Variants in ADAMTSL1 observed in about 807,000 individuals in gnomAD.
ADAMTSL1 encodes the protein ADAMTS-like protein 1.
A neutral mutation model predicts 201.8 loss-of-function variants in ADAMTSL1; 126 were observed. That is an observed-to-expected ratio of 0.62 (90% CI 0.54 to 0.72). The LOEUF (loss-of-function observed/expected upper bound fraction) is 0.72, where lower values mean the gene tolerates loss of function less well. Ranked by LOEUF, ADAMTSL1 falls within the 30% of genes least tolerant of loss-of-function variation. The pLI is 0.00. For synonymous variants in ADAMTSL1, 1,121 were observed against 903.4 expected (o/e 1.24, Z -4.32); for missense variants, 2,679 against 2,277.8 (o/e 1.18, Z -3.59).
chr9:18,294,339 T>C (rs979961558), intron 2 of ADAMTSL1, among the ~76,000 whole-genome samples: 1 of 152,230 alleles, frequency 6.6e-6, no homozygotes, highest in East Asian at 1.9e-4. Context: ...TTGAATTGCT[T>C]TTCCTGCATC....
chr9:18,441,961 C>G (rs756871907), intron 2 of ADAMTSL1, among the ~76,000 whole-genome samples: 1 of 152,124 alleles, frequency 6.6e-6, no homozygotes. Flanking sequence ...AATGAAAACC[C>G]AAATCCACTA....
chr9:18,292,037 G>A (rs1833295071), intron 2 of ADAMTSL1, among the ~76,000 whole-genome samples: 1 of 152,128 alleles, frequency 6.6e-6, no homozygotes, highest in Admixed American at 6.5e-5. Context: ...AAGAACAGCA[G>A]AGCTGAGACT....
At chr9:18,250,367 C>T (rs1259236150) in intron 2 of ADAMTSL1, among the ~76,000 whole-genome samples, 5 of 152,156 alleles carry the variant, frequency 3.3e-5, no homozygotes, top group Admixed American at 6.5e-5. Context: ...TCCTGACTCC[C>T]TCTTTGGGAG....
In ADAMTSL1 at chr9:18,123,402, C is replaced by T. The variant is rs560567007; in HGVS notation, c.88-40460C>T. ...TTATATTATGCTATTATGCTTTTGACATTAGAGGAAATACACTTATTTAAA... is the reference window on the plus strand; with the variant it reads ...TTATATTATGCTATTATGCTTTTGATATTAGAGGAAATACACTTATTTAAA... On this transcript the variant is annotated intron_variant, in intron 1 of 29. Coordinates refer to the ADAMTSL1 transcript ENST00000680146. Among the ~76,000 whole-genome samples, 6 of 152,240 alleles carry T rather than the reference C, an allele frequency of 3.9e-5. No homozygotes were observed. In the South Asian group the frequency reaches 1.0e-3, roughly 26 times the overall value.
intron 2 of ADAMTSL1, among the ~76,000 whole-genome samples, chr9:18,444,580 C>A (rs1323545788): frequency 6.6e-6 from 1 of 152,090 alleles, no homozygotes; most frequent in Non-Finnish European, 1.5e-5. Flanking sequence ...TCAAGCAGAT[C>A]CTCAGTATTT....
At chr9:18,091,691 A>G (rs1824024845) in intron 1 of ADAMTSL1, among the ~76,000 whole-genome samples, 1 of 152,194 alleles carries the variant, frequency 6.6e-6, no homozygotes, top group Non-Finnish European at 1.5e-5. Flanking sequence ...GAGGATAGCC[A>G]TCACAGTGAA....
chr9:18,795,668 C>A, intron 20 of ADAMTSL1, 144 bp downstream of exon 20: 2 of 909,794 alleles, frequency 2.2e-6, no homozygotes, highest in East Asian at 5.3e-5. Flanking sequence ...ATTACAACAG[C>A]AGTGTAGTAT....
intron 15 of ADAMTSL1, among the ~76,000 whole-genome samples, chr9:18,746,943 G>T (rs144367780): frequency 2.8e-4 from 42 of 152,234 alleles, no homozygotes; most frequent in African/African-American, 9.9e-4. Context: ...CCATTTGGCT[G>T]CCAAGTACAC....
intron 1 of ADAMTSL1, among the ~76,000 whole-genome samples, chr9:17,986,186 A>C (rs889611807): frequency 6.6e-6 from 1 of 152,056 alleles, no homozygotes; most frequent in Non-Finnish European, 1.5e-5. Flanking sequence ...GGTATGCTTT[A>C]AGGAATATTA....
intron 2 of ADAMTSL1, among the ~76,000 whole-genome samples, chr9:18,379,466 G>A (rs1554668945): frequency 6.6e-6 from 1 of 152,168 alleles, no homozygotes; most frequent in African/African-American, 2.4e-5. Flanking sequence ...CTATTGCCCA[G>A]TGGGGGCTCT....
intron 1 of ADAMTSL1, among the ~76,000 whole-genome samples, chr9:18,497,379 TA>T (rs1212688056): frequency 6.6e-6 from 1 of 152,146 alleles, no homozygotes; most frequent in Non-Finnish European, 1.5e-5. Context: ...CTTCTACTCC[TA>T]ATTGAGCACT....
At chr9:18,826,765 C>G (rs1186394710) in intron 22 of ADAMTSL1, among the ~76,000 whole-genome samples, 4 of 152,204 alleles carry the variant, frequency 2.6e-5, no homozygotes, top group Non-Finnish European at 5.9e-5. Flanking sequence ...AAGGGCAGAA[C>G]AGGTATCTCA....
chr9:18,837,833 C>T (rs1029756653), intron 23 of ADAMTSL1, among the ~76,000 whole-genome samples: 6 of 152,102 alleles, frequency 3.9e-5, no homozygotes, highest in African/African-American at 1.4e-4. Context: ...AAATGTTTGC[C>T]AACCCCTGAT....
intron 1 of ADAMTSL1, among the ~76,000 whole-genome samples, chr9:17,939,403 G>A (rs62550003): frequency 6.6e-6 from 1 of 150,852 alleles, no homozygotes; most frequent in African/African-American, 2.4e-5. Context: ...TTTTTTTTGG[G>A]TCATGAATTA....
intron 23 of ADAMTSL1, among the ~76,000 whole-genome samples, chr9:18,834,797 T>G (rs1461452590): frequency 6.6e-6 from 1 of 152,216 alleles, no homozygotes; most frequent in Non-Finnish European, 1.5e-5. Flanking sequence ...TATTGTAACA[T>G]GGATCAACAG....
At chr9:18,077,354 C>A (rs1410290277) in intron 1 of ADAMTSL1, among the ~76,000 whole-genome samples, 1 of 152,068 alleles carries the variant, frequency 6.6e-6, no homozygotes, top group Non-Finnish European at 1.5e-5. Flanking sequence ...ACTCCTCTCC[C>A]TTATTGAGTG....
intron 23 of ADAMTSL1, among the ~76,000 whole-genome samples, chr9:18,838,763 G>GT (rs1825501577): frequency 6.6e-6 from 1 of 151,838 alleles, no homozygotes; most frequent in African/African-American, 2.4e-5. Flanking sequence ...GGAGGCTGAG[G>GT]TGGGAGGATC....
intron 1 of ADAMTSL1, among the ~76,000 whole-genome samples, chr9:18,091,023 CT>C (rs1246943041): frequency 6.6e-6 from 1 of 151,678 alleles, no homozygotes; most frequent in Non-Finnish European, 1.5e-5. Flanking sequence ...TTCTCTCCAA[CT>C]TGAAAGAATC....
intron 1 of ADAMTSL1, among the ~76,000 whole-genome samples, chr9:18,001,538 T>C (rs1399140372): frequency 6.6e-6 from 1 of 152,048 alleles, no homozygotes; most frequent in Non-Finnish European, 1.5e-5. Flanking sequence ...GCATCTAATC[T>C]TAGAACGGGC....
Sources: allele counts gnomAD v4.1 joint callset (sites outside exome capture counted in the v4.1 genomes callset), GRCh38; gene constraint gnomAD v4.1.1; transcripts MANE v1.5; gene names NCBI Gene and HGNC (gene_info 2026-07-23, HGNC 2026-07-21).